ZNF714: variants seen among roughly 807,000 people sequenced by gnomAD.
ZNF714 encodes the protein zinc finger protein 714.
Under a neutral mutation model 46.2 loss-of-function variants are expected in ZNF714, and 32 were observed. The observed-to-expected ratio is 0.69, with a 90% confidence interval of 0.52 to 0.93. The LOEUF (loss-of-function observed/expected upper bound fraction) is 0.93, where lower values mean the gene tolerates loss of function less well. Ranked by LOEUF, ZNF714 falls within the 40% of genes least tolerant of loss-of-function variation. ZNF714 has a pLI of 0.00. For synonymous variants in ZNF714, 199 were observed against 213.1 expected (o/e 0.93, Z 0.58); for missense variants, 635 against 646.3 (o/e 0.98, Z 0.19).
intron 4 of ZNF714, among the ~76,000 whole-genome samples, chr19:21,101,818 C>T (rs934587987): frequency 5.9e-5 from 9 of 152,270 alleles, no homozygotes; most frequent in East Asian, 1.9e-4. Context: ...GACCAAGTTG[C>T]GTGGGCCATT....
intron 2 of ZNF714, among the ~76,000 whole-genome samples, chr19:21,095,604 A>C (rs1969018088): frequency 6.6e-6 from 1 of 151,678 alleles, no homozygotes; most frequent in African/African-American, 2.4e-5. Flanking sequence ...CTGGGACTAC[A>C]GGCGCCCGCC....
In ZNF714 at chr19:21,117,283, G is replaced by GGCAAA. The variant is rs1401007683; in HGVS notation, c.622_626dup (p.Phe210LysfsTer14). The GGCAAA allele has an allele frequency of 6.2e-7, 1 of 1,613,762 alleles. No individual in the cohort carries two copies. The highest frequency in any genetic ancestry group is 8.5e-7 in the Non-Finnish European group (1 of 1,179,910). On this transcript the variant is annotated frameshift_variant, in exon 5 of 5. Coordinates refer to ENST00000456283, the MANE Select transcript of ZNF714 (RefSeq NM_182515.4). LOFTEE classifies it high-confidence loss of function. ...GAAACCCTTCAAATGTGAAGAATGT[G>GGCAAA]GCAAAGCTTTTAAGCACTCCTCAAC...
At chr19:21,106,663 G>A (rs1969324776) in intron 4 of ZNF714, among the ~76,000 whole-genome samples, 1 of 150,996 alleles carries the variant, frequency 6.6e-6, no homozygotes, top group Admixed American at 6.6e-5. Flanking sequence ...ATTATTTTTT[G>A]AAAAGATTAT....
rs1260526425 is a variant in ZNF714, at chr19:21,117,422, G to A, written c.758G>A (p.Gly253Glu). The A allele has an allele frequency of 2.5e-6, 4 of 1,613,028 alleles. No individual in the cohort carries two copies. The highest frequency in any genetic ancestry group is 1.7e-4 in the Middle Eastern group (1 of 6,050). Residue 253 changes from glycine (G) to glutamate (E), a missense_variant, in exon 5 of 5, where the codon GGA becomes GAA. Transcript: ENST00000456283. ...ACTACACATAAGGTAATTCATACTG[G>A]AGAGAAGCCCTTCAAATGTGAAGAA... is the stretch of plus-strand genomic sequence containing the variant. ...HLTTHKVIHT[G>E]EKPFKCEECG...
At chr19:21,097,537 A>G (rs1728453122) in intron 2 of ZNF714, among the ~76,000 whole-genome samples, 1 of 152,120 alleles carries the variant, frequency 6.6e-6, no homozygotes, top group African/African-American at 2.4e-5. Flanking sequence ...CTAATAAACT[A>G]TCACATTTAA....
At chr19:21,114,435 CAAAA>C (rs34487712) in intron 4 of ZNF714, among the ~76,000 whole-genome samples, 2 of 124,890 alleles carry the variant, frequency 1.6e-5, no homozygotes, top group African/African-American at 6.2e-5. Flanking sequence ...GACTCCATCT[CAAAA>C]AAAAAAAAAA....
intron 4 of ZNF714, among the ~76,000 whole-genome samples, chr19:21,112,360 T>C (rs766630304): frequency 1.3e-5 from 2 of 151,552 alleles, no homozygotes; most frequent in African/African-American, 2.4e-5. Flanking sequence ...TCTTCTAGAT[T>C]TTCCAGTTTT....
Position 21,106,142 on chromosome 19 carries a change from C to A in ZNF714, c.142+7232C>A, listed in dbSNP as rs1423558940. ...TTGTGGCATGTGCCTGTAGTCCCAC[C>A]TACTTGGGAACCTGAGGCAGGAGAA... On this transcript the variant is annotated intron_variant, in intron 4 of 4. Transcript: ENST00000456283. Among the ~76,000 whole-genome samples the A allele has an allele frequency of 2.0e-5, 3 of 151,964 alleles. No individual in the cohort carries two copies. The East Asian group carries it at 5.8e-4, about 29-fold the overall frequency.
At position 21,122,522 on chromosome 19, in the gene ZNF714, T is replaced by C. The variant is rs1047760471; in HGVS notation, c.*4190T>C. 1 of 152,192 alleles carries C rather than the reference T, an allele frequency of 6.6e-6. No individual in the cohort carries two copies. The highest frequency in any genetic ancestry group is 2.4e-5 in the African/African-American group (1 of 41,426). The allele number at this position is 152,192 out of a possible 1,614,324, so 9.4% of individuals were successfully genotyped here. A position where few individuals can be genotyped will look rare whatever the true frequency, so the allele number is the denominator to read the frequency against. The stretch of plus-strand genomic sequence containing the variant: ...TACTCAGGAGGCTGAGGCAGAAGAA[T>C]TGCTTGAACCCAGGAGGCGAAGATT... On this transcript the variant is annotated 3_prime_UTR_variant, in exon 5 of 5. Coordinates refer to ENST00000456283, the MANE Select transcript of ZNF714 (RefSeq NM_182515.4).
chr19:21,089,668 A>T (rs1170468414), intron 2 of ZNF714, among the ~76,000 whole-genome samples: 3 of 152,228 alleles, frequency 2.0e-5, no homozygotes, highest in African/African-American at 7.2e-5. Flanking sequence ...CAGCAGCCTT[A>T]AAGGGTCCTA....
At chr19:21,101,909 A>G (rs993070031) in intron 4 of ZNF714, among the ~76,000 whole-genome samples, 2 of 152,102 alleles carry the variant, frequency 1.3e-5, no homozygotes, top group African/African-American at 4.8e-5. Flanking sequence ...ACACTCCTCA[A>G]TCTTGGGCTT....
In ZNF714 at chr19:21,098,835, G is replaced by A; in HGVS notation, c.67G>A (p.Asp23Asn). ...FLAGIAVSKQ[D>N]PITSLEQEKE... ...AGCAGGTATTGCTGTCTCTAAGCAA[G>A]ACCCGATCACCAGTCTAGAGCAAGA... is the stretch of plus-strand genomic sequence containing the variant. Residue 23 changes from aspartate to asparagine, a missense_variant, in exon 4 of 5, where the codon GAC (aspartate) becomes AAC (asparagine). Physicochemically the swap from Asp to Asn is conservative, Grantham distance 23. Coordinates refer to ENST00000456283, the MANE Select transcript of ZNF714 (RefSeq NM_182515.4). The A allele has an allele frequency of 6.2e-7, 1 of 1,609,064 alleles. No individual in the cohort carries two copies. The highest frequency in any genetic ancestry group is 8.5e-7 in the Non-Finnish European group (1 of 1,178,028).
chr19:21,098,933 G>C, intron 4 of ZNF714, 23 bp downstream of exon 4: 2 of 1,208,830 alleles, frequency 1.7e-6, no homozygotes, highest in South Asian at 1.4e-5. Flanking sequence ...GAACACAACA[G>C]ATGACACAGA....
In ZNF714 at chr19:21,100,045, G is replaced by A. The variant is rs948195540; in HGVS notation, c.142+1135G>A. Among the ~76,000 whole-genome samples, 32 of 152,024 alleles carry A rather than the reference G, an allele frequency of 2.1e-4. 1 individual carries two copies. The highest frequency in any genetic ancestry group is 3.4e-3 in the Middle Eastern group (1 of 292). Reference sequence around the variant, plus strand: ...TAATTTTTGTATTTTTGGTAGAGACGGGGTTTCACCTTGTTGTCCAGGCTG... The same window carrying A: ...TAATTTTTGTATTTTTGGTAGAGACAGGGTTTCACCTTGTTGTCCAGGCTG... On this transcript the variant is annotated intron_variant, in intron 4 of 4. Coordinates refer to ENST00000456283, the MANE Select transcript of ZNF714 (RefSeq NM_182515.4).
intron 4 of ZNF714, among the ~76,000 whole-genome samples, chr19:21,103,229 A>G (rs1219753113): frequency 3.4e-5 from 5 of 148,772 alleles, no homozygotes; most frequent in Admixed American, 3.3e-4. Context: ...TATTTTTTCC[A>G]TTTTTCCTTT....
intron 4 of ZNF714, among the ~76,000 whole-genome samples, chr19:21,107,820 C>G (rs868772292): frequency 2.6e-5 from 4 of 152,112 alleles, no homozygotes; most frequent in South Asian, 4.1e-4. Context: ...CCGTACTCAA[C>G]CCATGTGTTT....
chr19:21,082,536 C>G (rs1384379466), intron 1 of ZNF714, among the ~76,000 whole-genome samples, 188 bp downstream of exon 1: 1 of 149,938 alleles, frequency 6.7e-6, no homozygotes, highest in Admixed American at 6.6e-5. Context: ...TGCGGGATCC[C>G]GGGCGTCCTG....
chr19:21,114,379 T>C (rs528199966), intron 4 of ZNF714, among the ~76,000 whole-genome samples: 3 of 144,690 alleles, frequency 2.1e-5, no homozygotes, highest in Non-Finnish European at 4.5e-5. Context: ...GAGCTTGCAG[T>C]GAGCTGAGAT....
chr19:21,104,616 T>A (rs1055694213), intron 4 of ZNF714, among the ~76,000 whole-genome samples: 2 of 128,938 alleles, frequency 1.6e-5, no homozygotes, highest in African/African-American at 2.7e-5. Flanking sequence ...ATATATTTAT[T>A]TATTTATTTA....
Sources: gnomAD v4.1 joint callset for allele counts (sites outside exome capture counted in the v4.1 genomes callset) on GRCh38, gnomAD v4.1.1 for gene constraint, MANE v1.5 for transcripts, NCBI Gene and HGNC (gene_info 2026-07-23, HGNC 2026-07-21) for gene names.